UGGT2: variants seen among roughly 807,000 people sequenced by gnomAD.
UGGT2 encodes UDP-glucose:glycoprotein glucosyltransferase 2.
In UGGT2, 180 loss-of-function variants were observed where a neutral mutation model predicts 192.1. The observed-to-expected ratio is 0.94, with a 90% confidence interval of 0.83 to 1.06. The LOEUF is 1.06. UGGT2 is among the 50% of genes least tolerant of loss of function. The probability of loss-of-function intolerance (pLI) is 0.00; values close to 1 mark genes in which losing one functional copy is unlikely to be tolerated. For synonymous variants in UGGT2, 580 were observed against 591.0 expected, an observed-to-expected ratio of 0.98 and a Z score of 0.27; for missense variants, 1,849 against 1,795.7, an observed-to-expected ratio of 1.03 and a Z score of -0.54.
chr13:96,018,927 G>A (rs968332862), intron 4 of UGGT2, among the ~76,000 whole-genome samples: 1 of 150,792 alleles, frequency 6.6e-6, no homozygotes, highest in Non-Finnish European at 1.5e-5. Flanking sequence ...AATCTAGGAA[G>A]GAGAAACATA....
intron 16 of UGGT2, among the ~76,000 whole-genome samples, chr13:95,938,491 A>G (rs1566729261): frequency 6.6e-6 from 1 of 152,200 alleles, no homozygotes; most frequent in Admixed American, 6.5e-5. Flanking sequence ...ATCACTTCTT[A>G]TGTTACACAG....
At chr13:95,927,414 G>A in intron 17 of UGGT2, 78 bp from the exon 18 acceptor site, 2 of 1,153,300 alleles carry the variant, frequency 1.7e-6, no homozygotes, top group Admixed American at 2.8e-5. Context: ...ATAACACAAA[G>A]ATTACTTAAT....
chr13:95,986,248 A>T, intron 9 of UGGT2, 85 bp downstream of exon 9: 2 of 932,878 alleles, frequency 2.1e-6, no homozygotes, highest in Non-Finnish European at 3.3e-6. Context: ...TGACACCTTC[A>T]TGTTAAATGA....
chr13:95,859,691 T>C lies in UGGT2; in HGVS notation c.3741-16A>G, dbSNP rs745712481. On this transcript the variant is annotated splice_polypyrimidine_tract_variant and intron_variant, in intron 32 of 38. Transcript: ENST00000376747. ...CATCATAATTCTGTATAAAAGAATA[T>C]TAAACCCAATATACATTAACAGTAA... 3.8e-6 allele frequency: 6 copies of C among 1,576,428 alleles called. No individual in the cohort carries two copies. The South Asian group carries it at 5.7e-5, about 15-fold the overall frequency.
At position 95,877,300 on chromosome 13, in the gene UGGT2, T is replaced by G. The variant is rs902552378; in HGVS notation, c.3452A>C (p.Glu1151Ala). 2.5e-6 allele frequency: 4 copies of G among 1,602,496 alleles called. No individual in the cohort carries two copies. Among genetic ancestry groups the G allele is most frequent in the Non-Finnish European group, 3.4e-6 (4 of 1,176,000 alleles). The change falls in exon 29 of 39, where the codon GAA (glutamate) becomes GCA (alanine). Residue 1151 changes from glutamate (E) to alanine (A), a missense_variant. Glu to Ala is a moderately radical substitution (Grantham distance 107). Transcript: ENST00000376747. ...TCACCCAACTATTTGATAAATATCT[T>G]CAGATTTTCCTTGGTGTAACCTCAG... ...WILRLHQGKS[E>A]DIYQIVGHEG...
chr13:95,884,707 A>C, intron 26 of UGGT2, 27 bp from the exon 27 acceptor site: 1 of 1,566,124 alleles, frequency 6.4e-7, no homozygotes, highest in Non-Finnish European at 8.6e-7. Context: ...AAAATACATA[A>C]TGTGACCAAA....
At chr13:95,843,616 T>C (rs1594125386) in intron 36 of UGGT2, among the ~76,000 whole-genome samples, 2 of 152,304 alleles carry the variant, frequency 1.3e-5, no homozygotes, top group East Asian at 3.9e-4. Context: ...TTGTCTATGA[T>C]GTGTTTGGAA....
At chr13:95,897,974 C>A (rs996964166) in intron 22 of UGGT2, among the ~76,000 whole-genome samples, 1 of 152,066 alleles carries the variant, frequency 6.6e-6, no homozygotes, top group Non-Finnish European at 1.5e-5. Context: ...CATCCTGCAG[C>A]CTTCCTCACC....
intron 12 of UGGT2, among the ~76,000 whole-genome samples, chr13:95,955,551 C>G (rs1312132065): frequency 6.6e-6 from 1 of 152,140 alleles, no homozygotes; most frequent in Non-Finnish European, 1.5e-5. Context: ...TGTTCCCTCT[C>G]TGCAGGACAA....
Position 95,879,653 on chromosome 13 carries a change from C to T in UGGT2, c.3229-1797G>A, listed in dbSNP as rs971694993. 9.2e-5 allele frequency among the ~76,000 whole-genome samples: 14 copies of T among 152,172 alleles called. No individual in the cohort carries two copies. The East Asian group carries it at 1.7e-3, about 19-fold the overall frequency. On this transcript the variant is annotated intron_variant, in intron 27 of 38. Coordinates refer to ENST00000376747, the MANE Select transcript of UGGT2 (RefSeq NM_020121.4). ...GGTTTCACCATGTGGGCCAGGCTGG[C>T]CTCAAACTCCTGACTTCAAGTGATC...
chr13:95,948,928 T>C (rs1183132389), intron 13 of UGGT2, among the ~76,000 whole-genome samples: 1 of 152,118 alleles, frequency 6.6e-6, no homozygotes, highest in Non-Finnish European at 1.5e-5. Flanking sequence ...ATGCTATTCT[T>C]GTGATAGTGA....
intron 33 of UGGT2, 108 bp from the exon 34 acceptor site, chr13:95,856,448 C>G: frequency 8.9e-7 from 1 of 1,129,570 alleles, no homozygotes; most frequent in Non-Finnish European, 1.3e-6. Flanking sequence ...TTGTTATAAA[C>G]TAATAGGCAA....
intron 15 of UGGT2, among the ~76,000 whole-genome samples, chr13:95,944,425 A>C (rs1875645824): frequency 6.6e-6 from 1 of 152,066 alleles, no homozygotes; most frequent in South Asian, 2.1e-4. Flanking sequence ...TGGGTATATG[A>C]ATCTGAATCT....
intron 19 of UGGT2, 52 bp from the exon 20 acceptor site, chr13:95,925,826 A>C (rs1170539140): frequency 7.6e-7 from 1 of 1,319,632 alleles, no homozygotes; most frequent in African/African-American, 1.5e-5. Context: ...AAAAAATAAA[A>C]CAAAAGCAGG....
intron 7 of UGGT2, among the ~76,000 whole-genome samples, chr13:95,992,991 T>TCA (rs2051503716): frequency 6.6e-6 from 1 of 152,140 alleles, no homozygotes; most frequent in South Asian, 2.1e-4. Context: ...TAGCACTTAT[T>TCA]CACAATAGCA....
intron 2 of UGGT2, among the ~76,000 whole-genome samples, chr13:96,031,515 CTA>C (rs1193151281): frequency 2.0e-5 from 3 of 152,154 alleles, no homozygotes; most frequent in African/African-American, 7.2e-5. Context: ...CAGGGTCTTG[CTA>C]TACTGCCCAG....
intron 37 of UGGT2, among the ~76,000 whole-genome samples, chr13:95,836,329 C>T (rs975764863): frequency 7.2e-5 from 11 of 152,178 alleles, no homozygotes; most frequent in African/African-American, 1.9e-4. Flanking sequence ...GGATTACAGG[C>T]GTAAGCCACC....
intron 36 of UGGT2, among the ~76,000 whole-genome samples, chr13:95,843,783 G>A (rs368966096): frequency 1.3e-5 from 2 of 151,888 alleles, no homozygotes; most frequent in African/African-American, 2.4e-5. Flanking sequence ...GGCCATATAT[G>A]GGGTCTATTT....
At chr13:95,809,944 T>C (rs1243227094) in intron 38 of UGGT2, among the ~76,000 whole-genome samples, 1 of 152,242 alleles carries the variant, frequency 6.6e-6, no homozygotes, top group Non-Finnish European at 1.5e-5. Context: ...AAAAGCTGCA[T>C]TTTTAATATG....
Sources: gnomAD v4.1 joint callset for allele counts (sites outside exome capture counted in the v4.1 genomes callset) on GRCh38, gnomAD v4.1.1 for gene constraint, MANE v1.5 for transcripts, NCBI Gene and HGNC (gene_info 2026-07-23, HGNC 2026-07-21) for gene names.